JAKMIP3: variants seen among roughly 807,000 people sequenced by gnomAD.
JAKMIP3 encodes Janus kinase and microtubule interacting protein 3.
A neutral mutation model predicts 118.5 loss-of-function variants in JAKMIP3; 58 were observed. The ratio of observed to expected loss-of-function variants is 0.49; its 90% confidence interval spans 0.40 to 0.61. The LOEUF (loss-of-function observed/expected upper bound fraction) is 0.61. Ranked by LOEUF, JAKMIP3 falls within the 20% of genes least tolerant of loss-of-function variation. The pLI, the probability that JAKMIP3 is intolerant of heterozygous loss-of-function variation, is 0.00. For missense variants in JAKMIP3, 950 were observed against 1,109.0 expected, an observed-to-expected ratio of 0.86 and a Z score of 2.04; for synonymous variants, 486 against 451.2, an observed-to-expected ratio of 1.08 and a Z score of -0.98.
chr10:132,057,373 G>A (rs539033845), intron 1 of JAKMIP3, among the ~76,000 whole-genome samples: 2 of 152,316 alleles, frequency 1.3e-5, no homozygotes, highest in East Asian at 3.9e-4. Context: ...CATGAAAGAG[G>A]CCTCATGTCC....
intron 3 of JAKMIP3, among the ~76,000 whole-genome samples, 196 bp from the exon 4 acceptor site, chr10:132,133,116 C>A (rs773626310): frequency 3.9e-5 from 6 of 152,180 alleles, no homozygotes; most frequent in African/African-American, 1.4e-4. Context: ...TCTGCGTAGC[C>A]GGCTGAGCCA....
chr10:132,070,394 T>C (rs918737522), intron 1 of JAKMIP3, among the ~76,000 whole-genome samples: 1 of 152,168 alleles, frequency 6.6e-6, no homozygotes, highest in African/African-American at 2.4e-5. Context: ...GTGATCCGCC[T>C]GCCTCAGCCT....
At chr10:132,174,584 A>G (rs1453672762) in intron 23 of JAKMIP3, among the ~76,000 whole-genome samples, 1 of 152,162 alleles carries the variant, frequency 6.6e-6, no homozygotes, top group Non-Finnish European at 1.5e-5. Flanking sequence ...ATAATGTGTG[A>G]CAGGTTTTTT....
intron 5 of JAKMIP3, among the ~76,000 whole-genome samples, chr10:132,135,574 C>T (rs896274234): frequency 6.6e-6 from 1 of 152,240 alleles, no homozygotes; most frequent in Non-Finnish European, 1.5e-5. Flanking sequence ...CACAGCCCTT[C>T]TTGGCAAGAC....
intron 10 of JAKMIP3, among the ~76,000 whole-genome samples, chr10:132,140,898 G>A (rs895829316): frequency 6.6e-6 from 1 of 152,226 alleles, no homozygotes; most frequent in Non-Finnish European, 1.5e-5. Flanking sequence ...GGTACGGTGA[G>A]CTCTCCCTTC....
chr10:132,164,357 C>A (rs532627691), intron 20 of JAKMIP3, among the ~76,000 whole-genome samples: 1 of 152,248 alleles, frequency 6.6e-6, no homozygotes, highest in African/African-American at 2.4e-5. Flanking sequence ...TACTCCGCTG[C>A]GGTGGCATCT....
In JAKMIP3 at chr10:132,049,282, C is replaced by T. The variant is rs567052854; in HGVS notation, c.-138+12544C>T. 9.2e-5 allele frequency among the ~76,000 whole-genome samples: 14 copies of T among 152,192 alleles called. No homozygotes were observed. Among genetic ancestry groups the T allele is most frequent in the South Asian group, 2.1e-4 (1 of 4,828 alleles). ...AGCTATAGCTATGAGCACTGACCCA[C>T]GGCTTTGCTTCCCTTCCTTAGGGCT... is the stretch of plus-strand genomic sequence containing the variant. On this transcript the variant is annotated intron_variant, in intron 1 of 23. Coordinates refer to the JAKMIP3 transcript ENST00000657785. The surrounding 1 kb of genome is among the most constrained non-coding windows in gnomAD (Gnocchi z 4.3).
intron 4 of JAKMIP3, 28 bp from the exon 5 acceptor site, chr10:132,135,013 C>T (rs771543385): frequency 1.4e-5 from 22 of 1,609,142 alleles, no homozygotes; most frequent in East Asian, 2.2e-5. Flanking sequence ...GGGTAGGAAC[C>T]GTTATTTGCA....
intron 16 of JAKMIP3, 90 bp downstream of exon 16, chr10:132,150,131 C>T (rs2055803184): frequency 1.9e-6 from 2 of 1,047,912 alleles, no homozygotes; most frequent in South Asian, 2.9e-5. Context: ...GCCAGCCTCC[C>T]ACAGCCCTGC....
rs557712132 is a variant in JAKMIP3 at position 132,162,641 on chromosome 10, G to C, written c.2221-568G>C. ...TGTTACATTTGGTTGGGAAGAAAGA[G>C]CCTCTGTAGTGTGAGAATTTGTTTT... On this transcript the variant is annotated intron_variant, in intron 19 of 23. Transcript: ENST00000684848. Among the ~76,000 whole-genome samples, 19 of 152,326 alleles carry C rather than the reference G, an allele frequency of 1.2e-4. No homozygotes were observed. The South Asian group carries it at 3.9e-3, about 32-fold the overall frequency.
chr10:132,154,753 G>A (rs1341031250), intron 19 of JAKMIP3, among the ~76,000 whole-genome samples: 1 of 151,972 alleles, frequency 6.6e-6, no homozygotes, highest in Admixed American at 6.6e-5. Context: ...AGTTCAGCCT[G>A]GGAACTCTCA....
chr10:132,136,124 A>G, intron 6 of JAKMIP3, 48 bp downstream of exon 6: 1 of 1,593,190 alleles, frequency 6.3e-7, no homozygotes, highest in Non-Finnish European at 8.6e-7. Context: ...CCCGAGCTCC[A>G]GGCAGCATCT....
At chr10:132,040,185 G>A (rs115452403) in intron 1 of JAKMIP3, among the ~76,000 whole-genome samples, 1,529 of 152,256 alleles carry the variant, frequency 0.01, 27 homozygotes, top group African/African-American at 0.035. Flanking sequence ...AGGATGGGAT[G>A]GGTGCCCTTA....
rs2045638258 is a variant in JAKMIP3, at chr10:132,104,722, GC to G, written c.-86del. On this transcript the variant is annotated 5_prime_UTR_variant, in exon 2 of 24. Transcript: ENST00000684848. ...GCAGCCCGGGTGACACCTGCTGGGAGCTTGGCGTGGACACCCCAGCCACCCC... is the reference window on the plus strand; with the variant it reads ...GCAGCCCGGGTGACACCTGCTGGGAGTTGGCGTGGACACCCCAGCCACCCC... The G allele has an allele frequency of 7.3e-7, 1 of 1,370,210 alleles. No homozygotes were observed. The highest frequency in any genetic ancestry group is 1.0e-6 in the Non-Finnish European group (1 of 997,600). 84.9% of individuals were successfully genotyped at this position (1,370,210 alleles called of 1,614,324 possible).
At position 132,177,771 on chromosome 10, in the gene JAKMIP3, C is replaced by T. The variant is rs561198558; in HGVS notation, c.*1104-4586C>T. On this transcript the variant is annotated intron_variant, in intron 23 of 23. Coordinates refer to ENST00000684848, the MANE Select transcript of JAKMIP3 (RefSeq NM_001323087.2). ...ATTTGGTGGTGTGTGTGCACCTGCT[C>T]CTGTGTCCTGGGTAGTGTGCGTGTG... Among the ~76,000 whole-genome samples, 9 of 143,178 alleles carry T rather than the reference C, an allele frequency of 6.3e-5. No homozygotes were observed. The East Asian group carries it at 1.7e-3, about 27-fold the overall frequency. 93.9% of individuals were successfully genotyped at this position (143,178 alleles called of 152,430 possible).
intron 11 of JAKMIP3, among the ~76,000 whole-genome samples, chr10:132,143,335 C>T (rs1359406460): frequency 6.6e-6 from 1 of 152,150 alleles, no homozygotes; most frequent in Non-Finnish European, 1.5e-5. Flanking sequence ...CATCCCAGAG[C>T]CTCATGGGCC....
chr10:132,087,698 C>T (rs1301549084), intron 1 of JAKMIP3, among the ~76,000 whole-genome samples: 2 of 151,158 alleles, frequency 1.3e-5, no homozygotes, highest in Non-Finnish European at 2.9e-5. Flanking sequence ...TCCATTGTTT[C>T]CTGAAGTCTT....
At chr10:132,145,678 G>C in intron 13 of JAKMIP3, 98 bp downstream of exon 13, 1 of 1,046,646 alleles carries the variant, frequency 9.6e-7, no homozygotes, top group South Asian at 1.4e-5. Context: ...CGAGGGCTGA[G>C]GCTTCTGAAT....
chr10:132,052,102 GT>G (rs2038120651), intron 1 of JAKMIP3, among the ~76,000 whole-genome samples: 1 of 152,150 alleles, frequency 6.6e-6, no homozygotes, highest in African/African-American at 2.4e-5. Flanking sequence ...GTGCATGCCT[GT>G]AGTCCCAGCT....
Sources: gnomAD v4.1 joint callset for allele counts (sites outside exome capture counted in the v4.1 genomes callset) on GRCh38, gnomAD v4.1.1 for gene constraint, Gnocchi (gnomAD v3.1) non-coding constraint, MANE v1.5 for transcripts, NCBI Gene and HGNC (gene_info 2026-07-23, HGNC 2026-07-21) for gene names.